Variants in UNC79 observed in about 807,000 individuals in gnomAD.
UNC79 encodes the protein protein unc-79 homolog.
Under a neutral mutation model 283.1 loss-of-function variants are expected in UNC79, and 37 were observed. The observed-to-expected ratio is 0.13, with a 90% CI of 0.10 to 0.17. The LOEUF (loss-of-function observed/expected upper bound fraction) is 0.17, where lower values mean the gene tolerates loss of function less well. Among genes scored for constraint, UNC79 ranks in the 10% least tolerant of loss-of-function variants. The pLI is 1.00. For missense variants in UNC79, 2,272 were observed against 3,211.1 expected, an observed-to-expected ratio of 0.71 and a Z score of 7.07; for synonymous variants, 1,107 against 1,200.2, an observed-to-expected ratio of 0.92 and a Z score of 1.61.
chr14:93,431,152 C>T, intron 1 of UNC79, 101 bp downstream of exon 1: 3 of 33,280 alleles, frequency 9.0e-5, no homozygotes, highest in Non-Finnish European at 1.8e-4. Flanking sequence ...TGTGCTGGTG[C>T]GGGGGTGGGG....
At chr14:93,650,435 T>C (rs1427132202) in intron 35 of UNC79, among the ~76,000 whole-genome samples, 1 of 152,210 alleles carries the variant, frequency 6.6e-6, no homozygotes, top group Non-Finnish European at 1.5e-5. Flanking sequence ...ATCATCAATG[T>C]ATTCTGGTTG....
intron 5 of UNC79, among the ~76,000 whole-genome samples, chr14:93,490,175 G>A (rs1030055508): frequency 6.6e-6 from 1 of 152,180 alleles, no homozygotes; most frequent in Admixed American, 6.5e-5. Context: ...TGTGATGGGA[G>A]GGGCAGTGCA....
intron 14 of UNC79, among the ~76,000 whole-genome samples, chr14:93,545,419 C>CT (rs1221426768): frequency 1.3e-5 from 2 of 152,152 alleles, no homozygotes; most frequent in African/African-American, 4.8e-5. Context: ...TTAGAGGTTT[C>CT]TTGATGCTAG....
In UNC79 at chr14:93,634,698, G is replaced by T. The variant is rs962157010; in HGVS notation, c.5717-2518G>T. 8.6e-6 allele frequency: 12 copies of T among 1,400,132 alleles called. No individual in the cohort carries two copies. The African/African-American group carries it at 1.6e-4, about 18-fold the overall frequency. The allele number at this position is 1,400,132 out of a possible 1,614,324, so 86.7% of individuals were successfully genotyped here. A position where few individuals can be genotyped will look rare whatever the true frequency, so the allele number is the denominator to read the frequency against. ...GATTAGTGAATGCTACTTTCTCTGTGTCCACTCTGCTCCCTTGTTAAAGAA... is the reference window on the plus strand; with the variant it reads ...GATTAGTGAATGCTACTTTCTCTGTTTCCACTCTGCTCCCTTGTTAAAGAA... On this transcript the variant is annotated intron_variant, in intron 31 of 48. Transcript: ENST00000555664.
At chr14:93,490,008 C>G (rs183443306) in intron 5 of UNC79, among the ~76,000 whole-genome samples, 41 of 152,300 alleles carry the variant, frequency 2.7e-4, no homozygotes, top group Non-Finnish European at 5.4e-4. Flanking sequence ...CTGCTCTGCC[C>G]AAAGGGCAGC....
intron 14 of UNC79, among the ~76,000 whole-genome samples, chr14:93,545,662 A>G (rs1432408924): frequency 2.6e-5 from 4 of 152,238 alleles, no homozygotes; most frequent in African/African-American, 4.8e-5. Flanking sequence ...CTGTTTAGTC[A>G]TATCAGATTC....
intron 29 of UNC79, among the ~76,000 whole-genome samples, chr14:93,618,752 T>C (rs916951823): frequency 4.6e-5 from 7 of 152,208 alleles, no homozygotes; most frequent in African/African-American, 1.7e-4. Flanking sequence ...AGAGTTTCAA[T>C]GGAGTCTAAG....
exon 41 of UNC79, chr14:93,673,415 A>G (rs1412219707): frequency 6.2e-7 from 1 of 1,613,326 alleles, no homozygotes; most frequent in Admixed American, 1.7e-5. Context: ...CTAAAGCTCA[A>G]ATCTCCTTTA....
At chr14:93,650,892 C>G (rs573162540) in intron 35 of UNC79, among the ~76,000 whole-genome samples, 1 of 151,936 alleles carries the variant, frequency 6.6e-6, no homozygotes, top group South Asian at 2.1e-4. Flanking sequence ...CTAATGTTTT[C>G]TTATAAAGGC....
At position 93,481,690 on chromosome 14, in the gene UNC79, C is replaced by G. The variant is rs7142526; in HGVS notation, c.619+3962C>G. 3.8e-3 allele frequency among the ~76,000 whole-genome samples: 578 copies of G among 152,114 alleles called. 2 individuals are homozygous for G. Among genetic ancestry groups the G allele is most frequent in the African/African-American group, 0.013 (553 of 41,512 alleles). ...TGACTTACCATTTTTTGTTCTATTC[C>G]TACTACTACAGAGGGTGCATGTTAT... On this transcript the variant is annotated intron_variant, in intron 4 of 48. Coordinates refer to ENST00000555664, the Ensembl canonical transcript of UNC79.
Position 93,631,877 on chromosome 14 carries a change from C to T in UNC79, c.5716+969C>T, listed in dbSNP as rs536181774. Among the ~76,000 whole-genome samples, 29 of 152,342 alleles carry T rather than the reference C, an allele frequency of 1.9e-4. 1 individual carries two copies. The highest frequency in any genetic ancestry group is 1.0e-3 in the South Asian group (5 of 4,824). On this transcript the variant is annotated intron_variant, in intron 31 of 48. Transcript: ENST00000555664. ...TCAAAAGTGAATAAATAAAACACCG[C>T]TTGTTCTCCAGGAGTTTGCAGTCAT...
chr14:93,522,044 C>A (rs1480955857), intron 7 of UNC79, among the ~76,000 whole-genome samples: 3 of 151,656 alleles, frequency 2.0e-5, no homozygotes, highest in Non-Finnish European at 2.9e-5. Flanking sequence ...AATTGATTAT[C>A]TACAACCTGT....
At position 93,467,628 on chromosome 14, in the gene UNC79, CTTTTTTTTTTTTTTTTTTTTT is replaced by C. The variant is rs398026224; in HGVS notation, c.23-33_23-13del. 4.2e-5 allele frequency: 32 copies of C among 762,700 alleles called. 3 individuals are homozygous for C. In the South Asian group the frequency reaches 1.5e-3, roughly 36 times the overall value. 47.2% of individuals were successfully genotyped at this position (762,700 alleles called of 1,614,324 possible). A position where few individuals can be genotyped will look rare whatever the true frequency, so the allele number is the denominator to read the frequency against. On this transcript the variant is annotated intron_variant, in intron 1 of 48. Coordinates refer to ENST00000555664, the Ensembl canonical transcript of UNC79. ...ATTCTTCTCTTTCTTTTTCTTCTTC[CTTTTTTTTTTTTTTTTTTTTT>C]TTTTTTTTTGCTTTTATCTAGTTGC...
At chr14:93,347,104 A>T (rs775058149) in intron 1 of UNC79, 22 of 644,284 alleles carry the variant, frequency 3.4e-5, no homozygotes, top group Non-Finnish European at 5.0e-5. Context: ...GGGGCAGAGC[A>T]GGAGGTGCTG....
At chr14:93,592,165 AC>A (rs1440258127) in intron 22 of UNC79, among the ~76,000 whole-genome samples, 2 of 148,306 alleles carry the variant, frequency 1.3e-5, no homozygotes, top group African/African-American at 2.5e-5. Flanking sequence ...TCATTACATA[AC>A]TTTTCCTTTT....
At chr14:93,333,331 T>C in exon 1 of UNC79, 1 of 398,660 alleles carries the variant, frequency 2.5e-6, no homozygotes, top group Non-Finnish European at 4.4e-6. Flanking sequence ...TATCAGAATA[T>C]AAGAACTGTG....
intron 33 of UNC79, among the ~76,000 whole-genome samples, chr14:93,641,901 C>T (rs566425481): frequency 4.2e-4 from 64 of 152,276 alleles, no homozygotes; most frequent in Admixed American, 1.1e-3. Context: ...GAATAAGTCT[C>T]ATGAGATCTG....
At chr14:93,493,228 G>T (rs930330223) in intron 5 of UNC79, among the ~76,000 whole-genome samples, 5 of 152,082 alleles carry the variant, frequency 3.3e-5, no homozygotes, top group Non-Finnish European at 7.4e-5. Flanking sequence ...ATGTGTCACG[G>T]GGGAGTCTGG....
intron 1 of UNC79, among the ~76,000 whole-genome samples, chr14:93,335,732 A>G (rs1485206357): frequency 2.0e-5 from 3 of 152,244 alleles, no homozygotes; most frequent in African/African-American, 7.2e-5. Context: ...GAGGAAGACC[A>G]TAAACAAAGA....
Sources: gnomAD v4.1 joint callset for allele counts (sites outside exome capture counted in the v4.1 genomes callset) on GRCh38, gnomAD v4.1.1 for gene constraint, MANE v1.5 for transcripts, NCBI Gene and HGNC (gene_info 2026-07-23, HGNC 2026-07-21) for gene names.